LARP1: variants seen among roughly 807,000 people sequenced by gnomAD.
LARP1 encodes la-related protein 1.
LARP1 carries 36 observed loss-of-function variants against 122.7 expected under a neutral mutation model. The observed-to-expected ratio is 0.29, with a 90% confidence interval of 0.22 to 0.39. The LOEUF is 0.39. Ranked by LOEUF, LARP1 falls within the 10% of genes least tolerant of loss-of-function variation. The pLI is 1.00. For missense variants in LARP1, 1,040 were observed against 1,403.6 expected, an observed-to-expected ratio of 0.74 and a Z score of 4.14; for synonymous variants, 539 against 528.7, an observed-to-expected ratio of 1.02 and a Z score of -0.27.
intron 7 of LARP1, among the ~76,000 whole-genome samples, chr5:154,794,830 A>G (rs977782568): frequency 6.6e-6 from 1 of 152,254 alleles, no homozygotes; most frequent in Non-Finnish European, 1.5e-5. Context: ...TAAGGAAGTC[A>G]TACAAGAAAA....
At chr5:154,777,626 T>C (rs1208645640) in intron 1 of LARP1, among the ~76,000 whole-genome samples, 1 of 152,188 alleles carries the variant, frequency 6.6e-6, no homozygotes, top group Non-Finnish European at 1.5e-5. Context: ...TTTTTAAAGA[T>C]TTTTTAAAAT....
intron 1 of LARP1, chr5:154,757,257 G>C (rs1425413820): frequency 6.6e-6 from 1 of 151,922 alleles, no homozygotes; most frequent in Non-Finnish European, 1.5e-5. Context: ...TCCGCGTTTT[G>C]GTCCTTTTGG....
intron 18 of LARP1, among the ~76,000 whole-genome samples, chr5:154,813,299 G>A (rs1006463154): frequency 6.6e-6 from 1 of 152,202 alleles, no homozygotes; most frequent in African/African-American, 2.4e-5. Flanking sequence ...CTCAGTTTTG[G>A]TTCCCAAAAT....
At chr5:154,781,548 G>A (rs1348682072) in intron 1 of LARP1, among the ~76,000 whole-genome samples, 1 of 151,822 alleles carries the variant, frequency 6.6e-6, no homozygotes, top group East Asian at 1.9e-4. Context: ...AGCCGAGATG[G>A]CGCCATTGCA....
intron 1 of LARP1, among the ~76,000 whole-genome samples, chr5:154,725,306 T>C (rs1271080517): frequency 2.6e-5 from 4 of 151,494 alleles, no homozygotes; most frequent in Non-Finnish European, 5.9e-5. Context: ...AGAGAATTGC[T>C]TGAACCTAGA....
At chr5:154,806,827 T>C (rs1292239165) in intron 15 of LARP1, among the ~76,000 whole-genome samples, 1 of 152,254 alleles carries the variant, frequency 6.6e-6, no homozygotes, top group Non-Finnish European at 1.5e-5. Context: ...AATCTACATA[T>C]GATGGAACAT....
At chr5:154,747,553 A>G (rs1309398427) in intron 1 of LARP1, among the ~76,000 whole-genome samples, 2 of 151,948 alleles carry the variant, frequency 1.3e-5, no homozygotes, top group Non-Finnish European at 2.9e-5. Flanking sequence ...CTAAAAATAT[A>G]AAATTAGCCG....
rs533053563 is a variant in LARP1, at chr5:154,793,686, G to C, written c.831G>C (p.Glu277Asp). The stretch of plus-strand genomic sequence containing the variant: ...CTTCACGCCCCACTCGCCCACCGGA[G>C]CCTAGACACATACCTGCCAATCGCG... ...KLASRPTRPP[E>D]PRHIPANRGE... Residue 277 changes from glutamate (E) to aspartate (D), a missense_variant, in exon 5 of 19, where the codon GAG becomes GAC. By Grantham distance (45) the Glu-to-Asp change is conservative. Transcript: ENST00000518297. 13 of 1,614,180 alleles carry C rather than the reference G, an allele frequency of 8.1e-6. No homozygotes were observed. The highest frequency in any genetic ancestry group is 1.6e-4 in the Middle Eastern group (1 of 6,062).
At chr5:154,710,627 C>CA (rs1352039588), upstream of LARP1, among the ~76,000 whole-genome samples, 1 of 151,378 alleles carries the variant, frequency 6.6e-6, no homozygotes, top group Admixed American at 6.6e-5. Flanking sequence ...CCTATAATCC[C>CA]AGCTACTCAG....
chr5:154,683,271 G>A lies in LARP1; in HGVS notation c.-180+234G>A, dbSNP rs116965236. On this transcript the variant is annotated intron_variant, in intron 1 of 18. Transcript: ENST00000687700. ...ATACCTAACATTAGGGTGGCATCTG[G>A]GCCAGGCAAGTCAAACTGACGGCCC... Among the ~76,000 whole-genome samples, 17 of 152,340 alleles carry A rather than the reference G, an allele frequency of 1.1e-4. No individual in the cohort carries two copies. In the East Asian group the frequency reaches 2.9e-3, roughly 26 times the overall value.
rs148829069 is a variant in LARP1, at chr5:154,773,952, C to T, written c.437-16373C>T. ...ATCTCTAAATAATTGGTTTGTCCAA[C>T]AATCCTGCACCCCTAGTGTGGGCAC... On this transcript the variant is annotated intron_variant, in intron 1 of 18. Coordinates refer to ENST00000518297, the MANE Select transcript of LARP1 (RefSeq NM_033551.3). Among the ~76,000 whole-genome samples, 13 of 152,270 alleles carry T rather than the reference C, an allele frequency of 8.5e-5. No homozygotes were observed. In the East Asian group the frequency reaches 2.5e-3, roughly 29 times the overall value.
chr5:154,742,278 G>T (rs1439116074), intron 1 of LARP1, among the ~76,000 whole-genome samples: 4 of 152,122 alleles, frequency 2.6e-5, no homozygotes, highest in African/African-American at 9.7e-5. Flanking sequence ...ATACAAAAAA[G>T]TGGCTGGGCA....
intron 16 of LARP1, among the ~76,000 whole-genome samples, chr5:154,808,810 C>T (rs1223965922): frequency 6.6e-6 from 1 of 152,164 alleles, no homozygotes; most frequent in Non-Finnish European, 1.5e-5. Flanking sequence ...GAAGAGTTGT[C>T]TTATCCCTGT....
chr5:154,782,471 C>T (rs1756537409), intron 1 of LARP1, among the ~76,000 whole-genome samples: 2 of 152,102 alleles, frequency 1.3e-5, no homozygotes, highest in Non-Finnish European at 2.9e-5. Context: ...AGTGGGAGCA[C>T]TGGGCCACCT....
intron 1 of LARP1, among the ~76,000 whole-genome samples, chr5:154,767,775 G>A (rs1045223172): frequency 6.6e-6 from 1 of 152,300 alleles, no homozygotes; most frequent in Admixed American, 6.5e-5. Context: ...GTGGTAGGAG[G>A]AAGAGACACC....
At chr5:154,732,175 A>G (rs1756615378) in intron 1 of LARP1, among the ~76,000 whole-genome samples, 1 of 41,674 alleles carries the variant, frequency 2.4e-5, no homozygotes, top group Admixed American at 3.5e-4. Flanking sequence ...AAAACAAAAC[A>G]AAACAAAACA....
chr5:154,774,539 T>C (rs1325356082), intron 1 of LARP1, among the ~76,000 whole-genome samples: 1 of 152,234 alleles, frequency 6.6e-6, no homozygotes, highest in Non-Finnish European at 1.5e-5. Context: ...TCTAGTCTTA[T>C]TACTCAAACC....
chr5:154,699,794 C>T (rs1266067079), intron 1 of LARP1, among the ~76,000 whole-genome samples: 1 of 152,134 alleles, frequency 6.6e-6, no homozygotes, highest in Non-Finnish European at 1.5e-5. Context: ...AGCACATGCC[C>T]CTTCAACAGC....
At chr5:154,705,423 G>T (rs1193890628) in intron 1 of LARP1, among the ~76,000 whole-genome samples, 2 of 151,984 alleles carry the variant, frequency 1.3e-5, no homozygotes, top group Non-Finnish European at 2.9e-5. Context: ...CCAGGCTGGA[G>T]TGCAAGTGGT....
Sources: gnomAD v4.1 joint callset for allele counts (sites outside exome capture counted in the v4.1 genomes callset) on GRCh38, gnomAD v4.1.1 for gene constraint, MANE v1.5 for transcripts, NCBI Gene and HGNC (gene_info 2026-07-23, HGNC 2026-07-21) for gene names.